SLC22A2: variants seen among roughly 807,000 people sequenced by gnomAD.
SLC22A2 encodes organic cation transporter 2.
SLC22A2 carries 46 observed loss-of-function variants against 60.5 expected under a neutral mutation model. The ratio of observed to expected loss-of-function variants is 0.76; its 90% CI spans 0.60 to 0.97. The LOEUF (loss-of-function observed/expected upper bound fraction) is 0.97, where lower values mean the gene tolerates loss of function less well. Ranked by LOEUF, SLC22A2 falls within the 50% of genes least tolerant of loss-of-function variation. The pLI, the probability that SLC22A2 is intolerant of heterozygous loss-of-function variation, is 0.00. For synonymous variants in SLC22A2, 303 were observed against 267.0 expected, an observed-to-expected ratio of 1.13 and a Z score of -1.31; for missense variants, 701 against 706.6, an observed-to-expected ratio of 0.99 and a Z score of 0.09.
At chr6:160,254,852 C>T (rs565297981) in intron 2 of SLC22A2, among the ~76,000 whole-genome samples, 1 of 152,336 alleles carries the variant, frequency 6.6e-6, no homozygotes, top group Admixed American at 6.5e-5. Flanking sequence ...AATGCACTGT[C>T]AGTAGGGATT....
At chr6:160,250,321 G>A (rs953609066) in intron 3 of SLC22A2, among the ~76,000 whole-genome samples, 3 of 152,116 alleles carry the variant, frequency 2.0e-5, no homozygotes, top group African/African-American at 7.2e-5. Context: ...ATAAGAATCT[G>A]GGTGGCATTA....
intron 9 of SLC22A2, among the ~76,000 whole-genome samples, chr6:160,234,849 G>A (rs1266344428): frequency 1.3e-5 from 2 of 152,194 alleles, no homozygotes; most frequent in African/African-American, 4.8e-5. Context: ...GTGGCCCAGG[G>A]TTCAATCCTG....
At chr6:160,222,630 G>A (rs975087965) in intron 10 of SLC22A2, among the ~76,000 whole-genome samples, 41 of 152,316 alleles carry the variant, frequency 2.7e-4, no homozygotes, top group African/African-American at 9.6e-4. Flanking sequence ...AAGCTGCATG[G>A]GGAGAGGGGT....
At chr6:160,246,756 A>G (rs1395441658) in intron 5 of SLC22A2, among the ~76,000 whole-genome samples, 1 of 152,158 alleles carries the variant, frequency 6.6e-6, no homozygotes, top group African/African-American at 2.4e-5. Context: ...CAAAAAAAAA[A>G]GCTTTTTGGA....
chr6:160,227,469 T>A (rs960184396), intron 9 of SLC22A2, among the ~76,000 whole-genome samples: 1 of 152,208 alleles, frequency 6.6e-6, no homozygotes, highest in Non-Finnish European at 1.5e-5. Context: ...TCGCATGTAT[T>A]GATGGATGGC....
At chr6:160,251,207 A>G (rs1279660094) in intron 2 of SLC22A2, among the ~76,000 whole-genome samples, 1 of 152,152 alleles carries the variant, frequency 6.6e-6, no homozygotes, top group African/African-American at 2.4e-5. Flanking sequence ...CTTTGGTGCC[A>G]CACATGTTAC....
intron 10 of SLC22A2, among the ~76,000 whole-genome samples, chr6:160,223,649 T>C (rs957513258): frequency 1.3e-5 from 2 of 152,254 alleles, no homozygotes; most frequent in African/African-American, 4.8e-5. Flanking sequence ...CCTGTACATA[T>C]ATCACTTTGT....
chr6:160,227,702 AG>A (rs1782746045), intron 9 of SLC22A2, among the ~76,000 whole-genome samples: 1 of 152,218 alleles, frequency 6.6e-6, no homozygotes, highest in African/African-American at 2.4e-5. Context: ...TCTCTTGAAT[AG>A]GGACTGGGTA....
At chr6:160,231,193 T>C (rs1782818411) in intron 9 of SLC22A2, among the ~76,000 whole-genome samples, 1 of 151,884 alleles carries the variant, frequency 6.6e-6, no homozygotes, top group Non-Finnish European at 1.5e-5. Flanking sequence ...TGGTGCCAAC[T>C]TGGACAACAT....
intron 1 of SLC22A2, 58 bp from the exon 2 acceptor site, chr6:160,256,775 G>T: frequency 8.6e-7 from 1 of 1,160,890 alleles, no homozygotes; most frequent in Non-Finnish European, 1.3e-6. Flanking sequence ...AATCCTGTTA[G>T]AATCCTGTTG....
At position 160,234,219 on chromosome 6, in the gene SLC22A2, C is replaced by T. The variant is rs371000135; in HGVS notation, c.1501+7255G>A. 2.0e-3 allele frequency among the ~76,000 whole-genome samples: 304 copies of T among 152,308 alleles called. 4 individuals are homozygous for T. Among genetic ancestry groups the T allele is most frequent in the African/African-American group, 6.9e-3 (286 of 41,560 alleles). On this transcript the variant is annotated intron_variant, in intron 9 of 10. Transcript: ENST00000366953. ...AACGGCCCCACCCTATCTCCTTTCA[C>T]TGACTCTCTTTTCGGACTCAGCCTG... is the stretch of plus-strand genomic sequence containing the variant.
chr6:160,220,303 G>C (rs1442481274), intron 10 of SLC22A2, among the ~76,000 whole-genome samples: 1 of 152,198 alleles, frequency 6.6e-6, no homozygotes, highest in Non-Finnish European at 1.5e-5. Flanking sequence ...ATCTGTTCAA[G>C]TTTTATCACG....
At chr6:160,249,087 C>T in intron 4 of SLC22A2, 129 bp downstream of exon 4, 1 of 567,938 alleles carries the variant, frequency 1.8e-6, no homozygotes. Context: ...GAATTGGGCT[C>T]TTTGTGAAAT....
chr6:160,242,410 G>A lies in SLC22A2; in HGVS notation c.1280-8C>T. On this transcript the variant is annotated splice_polypyrimidine_tract_variant and splice_region_variant and intron_variant, in intron 7 of 10. Coordinates refer to ENST00000366953, the MANE Select transcript of SLC22A2 (RefSeq NM_003058.4). Reference sequence around the variant, plus strand: ...TTTTTAGCCATTGTAGATCTAAGAGGGAAAAGAACAGTACTTATCCGTACA... The same window carrying A: ...TTTTTAGCCATTGTAGATCTAAGAGAGAAAAGAACAGTACTTATCCGTACA... 1 of 1,433,686 alleles carries A rather than the reference G, an allele frequency of 7.0e-7. No homozygotes were observed. The highest frequency in any genetic ancestry group is 9.8e-7 in the Non-Finnish European group (1 of 1,015,450). The allele number at this position is 1,433,686 out of a possible 1,614,324, so 88.8% of individuals were successfully genotyped here.
At chr6:160,221,025 G>T (rs1782635370) in intron 10 of SLC22A2, among the ~76,000 whole-genome samples, 1 of 152,188 alleles carries the variant, frequency 6.6e-6, no homozygotes, top group African/African-American at 2.4e-5. Flanking sequence ...TGTCCTTCGA[G>T]CTTTGAAACC....
At chr6:160,247,758 A>C (rs1320316806) in intron 4 of SLC22A2, among the ~76,000 whole-genome samples, 1 of 152,208 alleles carries the variant, frequency 6.6e-6, no homozygotes, top group Non-Finnish European at 1.5e-5. Flanking sequence ...TCATAGTTTG[A>C]GTTTGATGTA....
chr6:160,231,366 T>A (rs1159758955), intron 9 of SLC22A2, among the ~76,000 whole-genome samples: 3 of 151,770 alleles, frequency 2.0e-5, no homozygotes, highest in Non-Finnish European at 4.4e-5. Flanking sequence ...GTCTTCCTCT[T>A]GTATCCCCCA....
chr6:160,219,973 A>G (rs1281965579), intron 10 of SLC22A2, among the ~76,000 whole-genome samples: 1 of 152,224 alleles, frequency 6.6e-6, no homozygotes, highest in African/African-American at 2.4e-5. Flanking sequence ...ACTGAGCAAG[A>G]CAGTGGTTGC....
chr6:160,244,876 A>T (rs1241420998), intron 6 of SLC22A2: 1 of 152,252 alleles, frequency 6.6e-6, no homozygotes, highest in Non-Finnish European at 1.5e-5. Flanking sequence ...GGTAGCAAAC[A>T]CAATAAAGAT....
Sources: allele counts gnomAD v4.1 joint callset (sites outside exome capture counted in the v4.1 genomes callset), GRCh38; gene constraint gnomAD v4.1.1; transcripts MANE v1.5; gene names NCBI Gene and HGNC (gene_info 2026-07-23, HGNC 2026-07-21).